The following MAPK4 variants were observed in gnomAD, a reference collection of about 807,000 sequenced individuals.
MAPK4 encodes the protein mitogen-activated protein kinase 4.
In MAPK4, 22 loss-of-function variants were observed where a neutral mutation model predicts 47.7. The ratio of observed to expected loss-of-function variants is 0.46; its 90% CI spans 0.33 to 0.66. The LOEUF (loss-of-function observed/expected upper bound fraction) is 0.66, where lower values mean the gene tolerates loss of function less well. Among genes scored for constraint, MAPK4 ranks in the 30% least tolerant of loss-of-function variants. MAPK4 has a pLI of 0.02. For missense variants in MAPK4, 736 were observed against 831.7 expected (o/e 0.88, Z 1.42); for synonymous variants, 390 against 365.7 (o/e 1.07, Z -0.76).
At chr18:50,688,740 G>A (rs909080860) in intron 2 of MAPK4, among the ~76,000 whole-genome samples, 2 of 152,128 alleles carry the variant, frequency 1.3e-5, no homozygotes, top group Non-Finnish European at 2.9e-5. Context: ...TCTGGGGAAA[G>A]GGTGGGAGGG....
chr18:50,650,601 A>C (rs1047665070), intron 1 of MAPK4, among the ~76,000 whole-genome samples: 2 of 152,108 alleles, frequency 1.3e-5, no homozygotes, highest in Admixed American at 6.5e-5. Context: ...TCACCCAGCA[A>C]ACACTGGCTG....
intron 1 of MAPK4, among the ~76,000 whole-genome samples, chr18:50,583,684 C>T (rs552416727): frequency 6.6e-6 from 1 of 152,330 alleles, no homozygotes; most frequent in East Asian, 1.9e-4. Context: ...CTATGTGGAA[C>T]TGGCAGCTCA....
intron 1 of MAPK4, among the ~76,000 whole-genome samples, chr18:50,598,466 A>G (rs1013272582): frequency 2.0e-5 from 3 of 152,222 alleles, no homozygotes; most frequent in African/African-American, 7.2e-5. Flanking sequence ...AGGAAAAAAA[A>G]TCATCTCAAG....
In MAPK4 at chr18:50,727,614, GGA is replaced by G. The variant is rs201217978; in HGVS notation, c.1067+1443_1067+1444del. ...CTGGAGGCAAAGAACATTGGCTCAG[GGA>G]GAGTCATCCTATACTTTCTGCGACT... On this transcript the variant is annotated intron_variant, in intron 5 of 5. Coordinates refer to ENST00000400384, the MANE Select transcript of MAPK4 (RefSeq NM_002747.4). Among the ~76,000 whole-genome samples, 1,265 of 152,246 alleles carry G rather than the reference GGA, an allele frequency of 8.3e-3. 18 individuals are homozygous for G. The highest frequency in any genetic ancestry group is 0.026 in the African/African-American group (1,077 of 41,558).
chr18:50,594,097 G>C (rs1489195006), intron 1 of MAPK4, among the ~76,000 whole-genome samples: 6 of 152,222 alleles, frequency 3.9e-5, no homozygotes, highest in Non-Finnish European at 5.9e-5. Context: ...GATGTCCAAG[G>C]CAGGAGGAAT....
At chr18:50,634,264 T>A (rs2042859065) in intron 1 of MAPK4, among the ~76,000 whole-genome samples, 3 of 151,864 alleles carry the variant, frequency 2.0e-5, no homozygotes, top group Non-Finnish European at 4.4e-5. Flanking sequence ...AAGTGTTGTT[T>A]GCCTGGCATG....
chr18:50,698,460 AAAG>A (rs1434043413), intron 2 of MAPK4, among the ~76,000 whole-genome samples: 11 of 152,220 alleles, frequency 7.2e-5, no homozygotes, highest in African/African-American at 2.7e-4. Flanking sequence ...ATTGACTAAA[AAAG>A]AAAGAAAACA....
chr18:50,578,451 T>C (rs1209103366), intron 1 of MAPK4, among the ~76,000 whole-genome samples: 2 of 152,202 alleles, frequency 1.3e-5, no homozygotes, highest in Non-Finnish European at 2.9e-5. Context: ...GTCCAGGTGA[T>C]GCTGGTGGTG....
At chr18:50,588,551 CTTTGTTTG>C (rs3080800) in intron 1 of MAPK4, among the ~76,000 whole-genome samples, 39 of 150,608 alleles carry the variant, frequency 2.6e-4, no homozygotes, top group African/African-American at 8.8e-4. Flanking sequence ...TAGACTCCAT[CTTTGTTTG>C]TTTGTTTGTT....
At chr18:50,689,355 T>G (rs1421893988) in intron 2 of MAPK4, among the ~76,000 whole-genome samples, 2 of 148,836 alleles carry the variant, frequency 1.3e-5, no homozygotes, top group Non-Finnish European at 3.0e-5. Context: ...GATCCGAGAT[T>G]GCGCCATTGC....
At chr18:50,715,874 T>A (rs977750153) in intron 3 of MAPK4, among the ~76,000 whole-genome samples, 26 of 152,182 alleles carry the variant, frequency 1.7e-4, no homozygotes, top group Admixed American at 1.2e-3. Context: ...CCACCCTACA[T>A]TTTTAGCCCC....
At chr18:50,572,802 T>C (rs1466531544) in intron 1 of MAPK4, among the ~76,000 whole-genome samples, 1 of 152,226 alleles carries the variant, frequency 6.6e-6, no homozygotes, top group African/African-American at 2.4e-5. Context: ...TTAAGTAACC[T>C]TCTAGTTTTC....
Position 50,729,935 on chromosome 18 carries a change from C to T in MAPK4, c.*81C>T. Reference sequence around the variant, plus strand: ...GGCTGGCAGGAGGCGGCCGCCCTTCCCGCCCCTCTCTGCTGCCTTGGGGTT... The same window carrying T: ...GGCTGGCAGGAGGCGGCCGCCCTTCTCGCCCCTCTCTGCTGCCTTGGGGTT... On this transcript the variant is annotated 3_prime_UTR_variant, in exon 6 of 6. Coordinates refer to ENST00000400384, the MANE Select transcript of MAPK4 (RefSeq NM_002747.4). The T allele has an allele frequency of 2.2e-6, 3 of 1,381,150 alleles. No individual in the cohort carries two copies. The highest frequency in any genetic ancestry group is 2.9e-6 in the Non-Finnish European group (3 of 1,033,402). 85.6% of individuals were successfully genotyped at this position (1,381,150 alleles called of 1,614,324 possible).
chr18:50,676,365 C>T (rs1012019629), intron 2 of MAPK4, among the ~76,000 whole-genome samples: 1 of 152,222 alleles, frequency 6.6e-6, no homozygotes, highest in African/African-American at 2.4e-5. Context: ...ACACGCCCCT[C>T]CAGAGTGACA....
intron 5 of MAPK4, 125 bp downstream of exon 5, chr18:50,726,300 G>C (rs1478677778): frequency 2.3e-6 from 2 of 866,808 alleles, no homozygotes; most frequent in African/African-American, 3.3e-5. Flanking sequence ...GACTTCTCCA[G>C]CTTAGCTTCC....
At chr18:50,601,312 T>A (rs2042538247) in intron 1 of MAPK4, among the ~76,000 whole-genome samples, 1 of 112,490 alleles carries the variant, frequency 8.9e-6, no homozygotes, top group Admixed American at 1.3e-4. Flanking sequence ...CCAGCCTGGG[T>A]GAGAGAGCAA....
At position 50,729,632 on chromosome 18, in the gene MAPK4, C is replaced by T. The variant is rs553427170; in HGVS notation, c.1542C>T (p.Pro514=). ...ACGCCAGCCCGCCCGCCGACGACCC[C>T]GAGCGCCGCTTGTCTGCCTCGCCCC... ...PEHASPPADD[P]ERRLSASPPG... is the part of the protein sequence containing the mutation. The change falls in exon 6 of 6, where the codon CCC becomes CCT. Residue 514 remains proline, a synonymous_variant. Transcript: ENST00000400384. 70 of 1,448,886 alleles carry T rather than the reference C, an allele frequency of 4.8e-5. No homozygotes were observed. The South Asian group carries it at 8.6e-4, about 18-fold the overall frequency. 89.8% of individuals were successfully genotyped at this position (1,448,886 alleles called of 1,614,324 possible). A position where few individuals can be genotyped will look rare whatever the true frequency, so the allele number is the denominator to read the frequency against.
chr18:50,613,831 A>C (rs1251599866), intron 1 of MAPK4, among the ~76,000 whole-genome samples: 1 of 152,200 alleles, frequency 6.6e-6, no homozygotes, highest in Non-Finnish European at 1.5e-5. Flanking sequence ...GAAGTAAGCC[A>C]GGGCATTGCA....
intron 1 of MAPK4, among the ~76,000 whole-genome samples, chr18:50,636,054 A>G (rs2144167775): frequency 6.6e-6 from 1 of 152,260 alleles, no homozygotes; most frequent in African/African-American, 2.4e-5. Flanking sequence ...CTTGCATTCT[A>G]TGCTGCCTTC....
Sources: allele counts gnomAD v4.1 joint callset (sites outside exome capture counted in the v4.1 genomes callset), GRCh38; gene constraint gnomAD v4.1.1; transcripts MANE v1.5; gene names NCBI Gene and HGNC (gene_info 2026-07-23, HGNC 2026-07-21).